PMEPA1: variants seen among roughly 807,000 people sequenced by gnomAD.
PMEPA1 encodes protein TMEPAI.
PMEPA1 carries 11 observed loss-of-function variants against 23.0 expected under a neutral mutation model. The observed-to-expected ratio is 0.48, with a 90% CI of 0.30 to 0.79. PMEPA1 has a LOEUF of 0.79. Among genes scored for constraint, PMEPA1 ranks in the 30% least tolerant of loss-of-function variants. PMEPA1 has a pLI of 0.06. For missense variants in PMEPA1, 377 were observed against 390.9 expected (o/e 0.96, Z 0.30); for synonymous variants, 204 against 166.4 (o/e 1.23, Z -1.74).
chr20:57,676,298 C>T (rs2071635246), intron 1 of PMEPA1, among the ~76,000 whole-genome samples: 1 of 152,204 alleles, frequency 6.6e-6, no homozygotes, highest in African/African-American at 2.4e-5. Flanking sequence ...CCTCACAGGA[C>T]TGCTTAAGGG....
At chr20:57,690,338 G>A in intron 1 of PMEPA1, 3 of 964,310 alleles carry the variant, frequency 3.1e-6, no homozygotes, top group Non-Finnish European at 4.4e-6. Context: ...CACCCGCCCT[G>A]CATCAGCGCT....
chr20:57,692,316 C>T (rs1342969208), intron 1 of PMEPA1, among the ~76,000 whole-genome samples: 1 of 152,250 alleles, frequency 6.6e-6, no homozygotes, highest in African/African-American at 2.4e-5. Flanking sequence ...GGTGTGGCCT[C>T]CCCTGGACTT....
At chr20:57,680,526 G>A (rs973015271) in intron 1 of PMEPA1, among the ~76,000 whole-genome samples, 5 of 152,206 alleles carry the variant, frequency 3.3e-5, no homozygotes, top group African/African-American at 4.8e-5. Context: ...CACCAAGGTC[G>A]AGAAACTCTG....
At chr20:57,703,425 C>T (rs576022619) in intron 1 of PMEPA1, among the ~76,000 whole-genome samples, 262 of 152,356 alleles carry the variant, frequency 1.7e-3, no homozygotes, top group African/African-American at 5.8e-3. Context: ...GGCATCTGGA[C>T]GTCAGGGCGG....
intron 1 of PMEPA1, among the ~76,000 whole-genome samples, chr20:57,707,145 T>G (rs979801106): frequency 2.0e-5 from 3 of 152,164 alleles, no homozygotes; most frequent in African/African-American, 7.2e-5. Flanking sequence ...CAAGTTCTCG[T>G]TGCAAACAAC....
At chr20:57,654,035 G>A (rs1022884362) in intron 2 of PMEPA1, among the ~76,000 whole-genome samples, 1 of 152,174 alleles carries the variant, frequency 6.6e-6, no homozygotes, top group African/African-American at 2.4e-5. Context: ...CTCTGGCAAA[G>A]GAGGTGTGTG....
In PMEPA1 at chr20:57,651,840, T is replaced by TTTTTTTC. The variant is rs1195835839; in HGVS notation, c.*206_*212dup. 5.5e-6 allele frequency: 2 copies of TTTTTTTC among 363,146 alleles called. No homozygotes were observed. The highest frequency in any genetic ancestry group is 4.4e-5 in the African/African-American group (2 of 45,398). The allele number at this position is 363,146 out of a possible 1,614,324, so 22.5% of individuals were successfully genotyped here. A position where few individuals can be genotyped will look rare whatever the true frequency, so the allele number is the denominator to read the frequency against. ...CAGCTCAACAAAGAAACGTGGTTTT[T>TTTTTTTC]TTTTTTCTTTTTTCTTTTTTTTTTT... On this transcript the variant is annotated 3_prime_UTR_variant, in exon 4 of 4. Transcript: ENST00000341744.
intron 1 of PMEPA1, among the ~76,000 whole-genome samples, chr20:57,705,463 T>A (rs1350105916): frequency 1.3e-5 from 2 of 152,252 alleles, no homozygotes; most frequent in Non-Finnish European, 2.9e-5. Context: ...GTTGGACATC[T>A]GTATTTTAAC....
Position 57,656,488 on chromosome 20 carries a change from T to C in PMEPA1, c.264+3055A>G, listed in dbSNP as rs1408027861. Among the ~76,000 whole-genome samples, 2 of 152,060 alleles carry C rather than the reference T, an allele frequency of 1.3e-5. No homozygotes were observed. Among genetic ancestry groups the C allele is most frequent in the Non-Finnish European group, 2.9e-5 (2 of 67,996 alleles). On this transcript the variant is annotated intron_variant, in intron 2 of 3. Coordinates refer to ENST00000341744, the MANE Select transcript of PMEPA1 (RefSeq NM_020182.5). The surrounding 1 kb of genome is among the most constrained non-coding windows in gnomAD (Gnocchi z 4.7). ...CTTGGGCACAAAGACTGGGATTGCCTTTCTGGGTAAACCTGAAGTCTGCGC... is the reference window on the plus strand; with the variant it reads ...CTTGGGCACAAAGACTGGGATTGCCCTTCTGGGTAAACCTGAAGTCTGCGC...
At chr20:57,653,114 G>A in intron 2 of PMEPA1, 28 bp from the exon 3 acceptor site, 1 of 1,556,242 alleles carries the variant, frequency 6.4e-7, no homozygotes, top group Non-Finnish European at 8.7e-7. Flanking sequence ...TACAAGCAGG[G>A]TCAGTGGGGT....
chr20:57,653,349 A>G (rs2071281324), intron 2 of PMEPA1, among the ~76,000 whole-genome samples: 2 of 151,722 alleles, frequency 1.3e-5, no homozygotes, highest in African/African-American at 4.8e-5. Context: ...ACATACACCC[A>G]CTTGTGGGGC....
rs780170853 is a variant in PMEPA1 at position 57,653,026 on chromosome 20, G to T, written c.318+7C>A. ...GGTGTTGGAGGGGAGGCCGAGGGAG[G>T]TCTCACCTCTGGGATTCCGTTGCCT... On this transcript the variant is annotated splice_region_variant and intron_variant, in intron 3 of 3. Coordinates refer to ENST00000341744, the MANE Select transcript of PMEPA1 (RefSeq NM_020182.5). 72 of 1,593,190 alleles carry T rather than the reference G, an allele frequency of 4.5e-5. No homozygotes were observed. The highest frequency in any genetic ancestry group is 5.5e-5 in the Non-Finnish European group (64 of 1,169,498).
chr20:57,652,972 G>A lies in PMEPA1; in HGVS notation c.318+61C>T, dbSNP rs968291328. 29 of 1,389,868 alleles carry A rather than the reference G, an allele frequency of 2.1e-5. No individual in the cohort carries two copies. Among genetic ancestry groups the A allele is most frequent in the Non-Finnish European group, 2.6e-5 (26 of 996,502 alleles). 86.1% of individuals were successfully genotyped at this position (1,389,868 alleles called of 1,614,324 possible). On this transcript the variant is annotated intron_variant, in intron 3 of 3. Coordinates refer to ENST00000341744, the MANE Select transcript of PMEPA1 (RefSeq NM_020182.5). This position sits in a 1 kb window ranked among gnomAD's most constrained non-coding sequence, Gnocchi z 6.1. ...TTTAGCAGCCCACACTGTTCCAGCC[G>A]CAGCGGGAGCAGCCCAGGGTGGGAT...
At chr20:57,681,524 A>C (rs157097) in intron 1 of PMEPA1, among the ~76,000 whole-genome samples, 1 of 151,246 alleles carries the variant, frequency 6.6e-6, no homozygotes, top group Non-Finnish European at 1.5e-5. Flanking sequence ...TCCCAGCATC[A>C]AGAAGGGAAC....
chr20:57,679,837 G>C (rs1302821819), intron 1 of PMEPA1, among the ~76,000 whole-genome samples: 1 of 152,202 alleles, frequency 6.6e-6, no homozygotes, highest in Non-Finnish European at 1.5e-5. Context: ...TTCTAGGGGA[G>C]GAGAGTGGCT....
intron 1 of PMEPA1, among the ~76,000 whole-genome samples, chr20:57,670,665 C>G (rs925255294): frequency 6.6e-6 from 1 of 152,172 alleles, no homozygotes; most frequent in Non-Finnish European, 1.5e-5. Context: ...TGCCTGACTC[C>G]GCGTTGTATT....
chr20:57,706,203 C>T (rs943919193), intron 1 of PMEPA1, among the ~76,000 whole-genome samples: 4 of 152,156 alleles, frequency 2.6e-5, no homozygotes, highest in Admixed American at 2.6e-4. Flanking sequence ...GAGCAGACAC[C>T]GGGTGGCCCC....
chr20:57,652,107 C>T lies in PMEPA1; in HGVS notation c.810G>A (p.Glu270=). Residue 270 remains glutamate (E), a synonymous_variant, in exon 4 of 4, where the codon GAG becomes GAA. Transcript: ENST00000341744. This position sits in a 1 kb window ranked among gnomAD's most constrained non-coding sequence, Gnocchi z 6.1. ...RLHHTHIAPL[E]SAAIWSKEKD... The stretch of plus-strand genomic sequence containing the variant: ...TCTCTTTGCTCCAGATGGCTGCGCT[C>T]TCTAGGGGCGCGATGTGTGTGTGGT... 6.3e-7 allele frequency: 1 copy of T among 1,576,892 alleles called. No homozygotes were observed. Among genetic ancestry groups the T allele is most frequent in the Non-Finnish European group, 8.6e-7 (1 of 1,159,812 alleles).
chr20:57,703,005 C>T lies in PMEPA1; in HGVS notation c.109+6469G>A, dbSNP rs546867933. 1.5e-4 allele frequency among the ~76,000 whole-genome samples: 23 copies of T among 152,348 alleles called. No homozygotes were observed. The East Asian group carries it at 2.9e-3, about 19-fold the overall frequency. On this transcript the variant is annotated intron_variant, in intron 1 of 3. Transcript: ENST00000341744. ...TGGTAAGTCATTCTGGGATTTTTCCCGGTTTGGTGACAAACAGTTCTGCCA... is the reference window on the plus strand; with the variant it reads ...TGGTAAGTCATTCTGGGATTTTTCCTGGTTTGGTGACAAACAGTTCTGCCA...
Sources: allele counts gnomAD v4.1 joint callset (sites outside exome capture counted in the v4.1 genomes callset), GRCh38; gene constraint gnomAD v4.1.1; non-coding constraint Gnocchi (gnomAD v3.1); transcripts MANE v1.5; gene names NCBI Gene and HGNC (gene_info 2026-07-23, HGNC 2026-07-21).